The following WWTR1 variants were observed in gnomAD, a reference collection of about 807,000 sequenced individuals.
WWTR1 encodes the protein WW domain-containing transcription regulator protein 1.
Under a neutral mutation model 40.1 loss-of-function variants are expected in WWTR1, and 13 were observed. The ratio of observed to expected loss-of-function variants is 0.32; its 90% CI spans 0.21 to 0.52. The LOEUF (loss-of-function observed/expected upper bound fraction) is 0.52, where lower values mean the gene tolerates loss of function less well. WWTR1 is among the 20% of genes least tolerant of loss of function. The pLI, the probability that WWTR1 is intolerant of heterozygous loss-of-function variation, is 0.97. For synonymous variants in WWTR1, 230 were observed against 210.1 expected, an observed-to-expected ratio of 1.09 and a Z score of -0.82; for missense variants, 436 against 523.1, an observed-to-expected ratio of 0.83 and a Z score of 1.63.
intron 1 of WWTR1, among the ~76,000 whole-genome samples, chr3:149,671,510 C>G (rs1478513118): frequency 6.6e-6 from 1 of 152,154 alleles, no homozygotes; most frequent in Admixed American, 6.6e-5. Flanking sequence ...TACTCCTTCA[C>G]AAAATTTTCA....
intron 2 of WWTR1, among the ~76,000 whole-genome samples, chr3:149,583,213 G>C (rs542327434): frequency 6.6e-6 from 1 of 152,122 alleles, no homozygotes; most frequent in Non-Finnish European, 1.5e-5. Context: ...TTATCCACCC[G>C]CTTCGGCCTC....
At chr3:149,569,702 T>C (rs548914021) in intron 3 of WWTR1, among the ~76,000 whole-genome samples, 2 of 152,382 alleles carry the variant, frequency 1.3e-5, no homozygotes, top group Admixed American at 1.3e-4. Context: ...GACATCCTTT[T>C]CACATGTATA....
In WWTR1 at chr3:149,527,851, T is replaced by A. The variant is rs1332768836; in HGVS notation, c.890A>T (p.Asp297Val). The A allele has an allele frequency of 9.9e-6, 16 of 1,613,972 alleles. No homozygotes were observed. The highest frequency in any genetic ancestry group is 1.3e-5 in the Non-Finnish European group (15 of 1,180,016). The part of the protein sequence containing the change: ...DMRSITNNSS[D>V]PFLNGGPYHS... ...ATTAACTTACCCATTGAGGAAAGGATCTGAGCTATTATTAGTGATGGATCT... is the reference window on the plus strand; with the variant it reads ...ATTAACTTACCCATTGAGGAAAGGAACTGAGCTATTATTAGTGATGGATCT... The change falls in exon 5 of 7, where the codon GAT becomes GTT. Residue 297 changes from aspartate (D) to valine (V), a missense_variant. Coordinates refer to ENST00000360632, the MANE Select transcript of WWTR1 (RefSeq NM_015472.6).
At chr3:149,522,065 A>G (rs1417607446) in intron 6 of WWTR1, among the ~76,000 whole-genome samples, 1 of 152,224 alleles carries the variant, frequency 6.6e-6, no homozygotes, top group Non-Finnish European at 1.5e-5. Flanking sequence ...ACAATATCAA[A>G]ACAACAGGTT....
intron 2 of WWTR1, among the ~76,000 whole-genome samples, chr3:149,617,531 G>A (rs1740040209): frequency 6.6e-6 from 1 of 152,222 alleles, no homozygotes; most frequent in Admixed American, 6.5e-5. Context: ...CAGGCGCAGT[G>A]GCTCATGCCT....
Position 149,650,952 on chromosome 3 carries a change from C to T in WWTR1, c.431+5924G>A, listed in dbSNP as rs143178283. Among the ~76,000 whole-genome samples, 118 of 152,322 alleles carry T rather than the reference C, an allele frequency of 7.7e-4. 1 individual carries two copies. The highest frequency in any genetic ancestry group is 2.6e-3 in the African/African-American group (109 of 41,582). On this transcript the variant is annotated intron_variant, in intron 2 of 6. Coordinates refer to ENST00000360632, the MANE Select transcript of WWTR1 (RefSeq NM_015472.6). ...ACCCCTATTGCCAAGGTTTCTGCTTCTGATTTTGGCTGGGTAAATAGGCTA... is the reference window on the plus strand; with the variant it reads ...ACCCCTATTGCCAAGGTTTCTGCTTTTGATTTTGGCTGGGTAAATAGGCTA...
chr3:149,655,731 T>C (rs1289484722), intron 2 of WWTR1, among the ~76,000 whole-genome samples: 1 of 152,256 alleles, frequency 6.6e-6, no homozygotes, highest in East Asian at 1.9e-4. Flanking sequence ...ATGGGCTCAC[T>C]ATAGTAAACT....
intron 2 of WWTR1, among the ~76,000 whole-genome samples, chr3:149,585,282 G>A (rs1286927061): frequency 3.9e-5 from 6 of 152,084 alleles, no homozygotes; most frequent in Admixed American, 6.5e-5. Flanking sequence ...ACAGGCATGC[G>A]CCACTACGCC....
chr3:149,528,866 C>T (rs1735450687), intron 4 of WWTR1, among the ~76,000 whole-genome samples: 1 of 152,180 alleles, frequency 6.6e-6, no homozygotes, highest in South Asian at 2.1e-4. Context: ...CCAAATCCCA[C>T]AGACAAGTAA....
chr3:149,636,809 C>A (rs961805923), intron 2 of WWTR1, among the ~76,000 whole-genome samples: 1 of 151,438 alleles, frequency 6.6e-6, no homozygotes, highest in African/African-American at 2.4e-5. Flanking sequence ...AAGTATTATG[C>A]ACAAAAAATT....
intron 4 of WWTR1, among the ~76,000 whole-genome samples, chr3:149,530,429 AC>A (rs1423946565): frequency 6.6e-6 from 1 of 152,026 alleles, no homozygotes; most frequent in African/African-American, 2.4e-5. Context: ...CATTTCTGGA[AC>A]TTCATGGGAT....
At chr3:149,618,967 C>T (rs1740136035) in intron 2 of WWTR1, among the ~76,000 whole-genome samples, 1 of 152,130 alleles carries the variant, frequency 6.6e-6, no homozygotes, top group Admixed American at 6.6e-5. Flanking sequence ...GACGTTCAAC[C>T]CAGAGATATC....
At chr3:149,587,888 C>G (rs149278962) in intron 2 of WWTR1, among the ~76,000 whole-genome samples, 1 of 152,106 alleles carries the variant, frequency 6.6e-6, no homozygotes, top group South Asian at 2.1e-4. Context: ...TGAAAACTTA[C>G]GGCGGGTTAT....
intron 2 of WWTR1, among the ~76,000 whole-genome samples, chr3:149,668,432 C>A (rs939159881): frequency 5.3e-5 from 8 of 152,004 alleles, no homozygotes; most frequent in East Asian, 3.9e-4. Flanking sequence ...CATGGTGAAA[C>A]CCCGTCTCTA....
intron 3 of WWTR1, among the ~76,000 whole-genome samples, chr3:149,569,930 G>A (rs912197769): frequency 2.0e-5 from 3 of 152,144 alleles, no homozygotes; most frequent in African/African-American, 7.2e-5. Context: ...CCACCTCAGA[G>A]CCTTCCAAGT....
intron 4 of WWTR1, among the ~76,000 whole-genome samples, chr3:149,540,694 G>A (rs185473751): frequency 1.3e-4 from 20 of 152,162 alleles, no homozygotes; most frequent in Admixed American, 6.5e-4. Context: ...ATAAACAACC[G>A]TTAGCCTGAA....
At chr3:149,548,364 G>C (rs1221288734) in intron 3 of WWTR1, among the ~76,000 whole-genome samples, 1 of 152,216 alleles carries the variant, frequency 6.6e-6, no homozygotes, top group East Asian at 1.9e-4. Context: ...CAGTGAATCA[G>C]AGGCTGCCCA....
chr3:149,609,826 C>T (rs1365250143), intron 2 of WWTR1, among the ~76,000 whole-genome samples: 1 of 152,214 alleles, frequency 6.6e-6, no homozygotes, highest in Non-Finnish European at 1.5e-5. Flanking sequence ...CCACAGCAAA[C>T]TATTGTTTTT....
intron 4 of WWTR1, among the ~76,000 whole-genome samples, chr3:149,719,670 A>C (rs1436307163): frequency 6.6e-6 from 1 of 152,134 alleles, no homozygotes; most frequent in Non-Finnish European, 1.5e-5. Flanking sequence ...ATCTATTTTT[A>C]ATTTTTTGAG....
Sources: gnomAD v4.1 joint callset for allele counts (sites outside exome capture counted in the v4.1 genomes callset) on GRCh38, gnomAD v4.1.1 for gene constraint, MANE v1.5 for transcripts, NCBI Gene and HGNC (gene_info 2026-07-23, HGNC 2026-07-21) for gene names.